ULK4: variants seen among roughly 807,000 people sequenced by gnomAD.
The protein encoded by ULK4 is inactive serine/threonine-protein kinase ULK4.
In ULK4, 133 loss-of-function variants were observed where a neutral mutation model predicts 160.6. The observed-to-expected ratio is 0.83, with a 90% CI of 0.72 to 0.96. The LOEUF is 0.96. Among genes scored for constraint, ULK4 ranks in the 40% least tolerant of loss-of-function variants. The probability of loss-of-function intolerance (pLI) is 0.00; values close to 1 mark genes in which losing one functional copy is unlikely to be tolerated. For missense variants in ULK4, 1,580 were observed against 1,499.5 expected (o/e 1.05, Z -0.89); for synonymous variants, 534 against 539.8 (o/e 0.99, Z 0.15).
chr3:41,919,947 T>C (rs922903380), intron 5 of ULK4, 129 bp from the exon 6 acceptor site: 1 of 522,506 alleles, frequency 1.9e-6, no homozygotes, highest in South Asian at 3.9e-5. Flanking sequence ...AAACTTCATG[T>C]GCATTTCACA....
intron 35 of ULK4, among the ~76,000 whole-genome samples, chr3:41,353,190 C>G (rs1049902877): frequency 6.6e-6 from 1 of 152,128 alleles, no homozygotes; most frequent in African/African-American, 2.4e-5. Context: ...ATCTTAGAAC[C>G]CTCTCTGGAA....
At chr3:41,893,316 A>T (rs944775077) in intron 16 of ULK4, among the ~76,000 whole-genome samples, 12 of 152,232 alleles carry the variant, frequency 7.9e-5, no homozygotes, top group African/African-American at 2.9e-4. Flanking sequence ...TACAATTAAC[A>T]AATTTTTTAA....
In ULK4 at chr3:41,560,465, T is replaced by G. The variant is rs141168629; in HGVS notation, c.3226+5560A>C. On this transcript the variant is annotated intron_variant, in intron 32 of 36. Coordinates refer to ENST00000301831, the MANE Select transcript of ULK4 (RefSeq NM_017886.4). The stretch of plus-strand genomic sequence containing the variant: ...AAATTACCTTGGGCAGTATGGCCAT[T>G]TTCACAATATTGATTCTTCCTATCC... 3.7e-4 allele frequency among the ~76,000 whole-genome samples: 57 copies of G among 152,318 alleles called. 1 individual carries two copies. Among genetic ancestry groups the G allele is most frequent in the Non-Finnish European group, 5.0e-4 (34 of 68,024 alleles).
chr3:41,498,932 T>A (rs961252586), intron 32 of ULK4, among the ~76,000 whole-genome samples: 1 of 152,042 alleles, frequency 6.6e-6, no homozygotes, highest in Admixed American at 6.6e-5. Context: ...ACTGATAAAA[T>A]CTGTAGCAAA....
chr3:41,774,432 CAAAAG>C (rs2039524872), intron 21 of ULK4, among the ~76,000 whole-genome samples: 1 of 150,602 alleles, frequency 6.6e-6, no homozygotes, highest in African/African-American at 2.5e-5. Flanking sequence ...AGACACTTCT[CAAAAG>C]AAGACATTTA....
chr3:41,300,419 T>C (rs2079760878), intron 35 of ULK4, among the ~76,000 whole-genome samples: 1 of 152,206 alleles, frequency 6.6e-6, no homozygotes, highest in South Asian at 2.1e-4. Flanking sequence ...CCGCTAAATG[T>C]ATGCTTATAA....
intron 31 of ULK4, among the ~76,000 whole-genome samples, chr3:41,613,208 C>T (rs2032785079): frequency 6.6e-6 from 1 of 152,074 alleles, no homozygotes; most frequent in Admixed American, 6.5e-5. Context: ...TTCCTTGAAA[C>T]CTGAAATCTA....
chr3:41,764,758 T>G, intron 21 of ULK4, among the ~76,000 whole-genome samples: 1 of 152,260 alleles, frequency 6.6e-6, no homozygotes, highest in East Asian at 1.9e-4. Flanking sequence ...CTGCTATGAT[T>G]CAGTTTCTTC....
intron 34 of ULK4, among the ~76,000 whole-genome samples, chr3:41,454,779 G>T (rs944003275): frequency 1.3e-5 from 2 of 151,854 alleles, no homozygotes; most frequent in Non-Finnish European, 2.9e-5. Context: ...TGCAACCTCT[G>T]CCTCCTGGGT....
At chr3:41,761,203 A>G (rs920744955) in intron 21 of ULK4, among the ~76,000 whole-genome samples, 3 of 152,000 alleles carry the variant, frequency 2.0e-5, no homozygotes, top group Non-Finnish European at 4.4e-5. Context: ...ATTAAACCTC[A>G]TAGAACTGAG....
At chr3:41,320,589 T>A (rs1400435414) in intron 35 of ULK4, among the ~76,000 whole-genome samples, 3 of 152,202 alleles carry the variant, frequency 2.0e-5, no homozygotes, top group Non-Finnish European at 4.4e-5. Context: ...TTGAATATTC[T>A]TCTCAAGTGA....
intron 34 of ULK4, among the ~76,000 whole-genome samples, chr3:41,409,282 A>T (rs1201310646): frequency 5.9e-5 from 9 of 152,112 alleles, no homozygotes; most frequent in Non-Finnish European, 1.2e-4. Context: ...AATGTATAAA[A>T]CTTATAGAAA....
At chr3:41,675,641 G>T (rs544691237) in intron 29 of ULK4, among the ~76,000 whole-genome samples, 2 of 152,042 alleles carry the variant, frequency 1.3e-5, no homozygotes, top group South Asian at 2.1e-4. Context: ...ATTTAGGATC[G>T]GCCCTAAATC....
intron 17 of ULK4, among the ~76,000 whole-genome samples, chr3:41,872,819 T>C (rs1208642828): frequency 6.6e-6 from 1 of 152,012 alleles, no homozygotes; most frequent in Non-Finnish European, 1.5e-5. Flanking sequence ...AAAAATTATA[T>C]GTAAGACTTT....
Position 41,267,207 on chromosome 3 carries a change from T to C in ULK4, c.3679-17633A>G, listed in dbSNP as rs142691293. ...GGCCCTGGTGTGTGATGTTCCCCTCTCTGTGTCCATGTATTCTCATTGTTC... is the reference window on the plus strand; with the variant it reads ...GGCCCTGGTGTGTGATGTTCCCCTCCCTGTGTCCATGTATTCTCATTGTTC... On this transcript the variant is annotated intron_variant, in intron 35 of 36. Coordinates refer to ENST00000301831, the MANE Select transcript of ULK4 (RefSeq NM_017886.4). Among the ~76,000 whole-genome samples, 105 of 152,192 alleles carry C rather than the reference T, an allele frequency of 6.9e-4. No individual in the cohort carries two copies. In the East Asian group the frequency reaches 7.9e-3, roughly 11 times the overall value.
At chr3:41,828,329 C>G (rs941013078) in intron 18 of ULK4, among the ~76,000 whole-genome samples, 1 of 149,532 alleles carries the variant, frequency 6.7e-6, no homozygotes, top group Non-Finnish European at 1.5e-5. Flanking sequence ...AAATAAAGGG[C>G]ATTCAATTAG....
At chr3:41,759,047 A>G (rs1575660079) in intron 21 of ULK4, among the ~76,000 whole-genome samples, 3 of 152,186 alleles carry the variant, frequency 2.0e-5, no homozygotes, top group African/African-American at 7.2e-5. Flanking sequence ...AAACAAAGCA[A>G]GTAGAAAACA....
At chr3:41,799,347 T>C (rs184816583) in intron 20 of ULK4, among the ~76,000 whole-genome samples, 2 of 152,188 alleles carry the variant, frequency 1.3e-5, no homozygotes, top group South Asian at 2.1e-4. Flanking sequence ...CACGTTATTA[T>C]AGCCATGTGA....
chr3:41,685,286 C>T (rs1317657659), intron 27 of ULK4, among the ~76,000 whole-genome samples: 1 of 152,180 alleles, frequency 6.6e-6, no homozygotes, highest in Non-Finnish European at 1.5e-5. Flanking sequence ...GCCCTTTCTC[C>T]TTAAGCATAA....
Sources: allele counts gnomAD v4.1 joint callset (sites outside exome capture counted in the v4.1 genomes callset), GRCh38; gene constraint gnomAD v4.1.1; transcripts MANE v1.5; gene names NCBI Gene and HGNC (gene_info 2026-07-23, HGNC 2026-07-21).